TEC: variants seen among roughly 807,000 people sequenced by gnomAD.
TEC encodes tyrosine-protein kinase Tec.
TEC carries 72 observed loss-of-function variants against 93.0 expected under a neutral mutation model. The observed-to-expected ratio is 0.77, with a 90% CI of 0.64 to 0.94. The LOEUF (loss-of-function observed/expected upper bound fraction) is 0.94, where lower values mean the gene tolerates loss of function less well. Among genes scored for constraint, TEC ranks in the 40% least tolerant of loss-of-function variants. TEC has a pLI of 0.00. For missense variants in TEC, 630 were observed against 757.9 expected, an observed-to-expected ratio of 0.83 and a Z score of 1.98; for synonymous variants, 249 against 247.7, an observed-to-expected ratio of 1.01 and a Z score of -0.05.
At chr4:48,256,273 G>T (rs1374308011) in intron 1 of TEC, among the ~76,000 whole-genome samples, 1 of 151,864 alleles carries the variant, frequency 6.6e-6, no homozygotes, top group Non-Finnish European at 1.5e-5. Flanking sequence ...ACAATCCACC[G>T]CCCACCCTGC....
intron 2 of TEC, among the ~76,000 whole-genome samples, chr4:48,193,911 C>T (rs1006173678): frequency 4.6e-5 from 7 of 151,926 alleles, no homozygotes; most frequent in Admixed American, 2.6e-4. Context: ...TTACAGATGG[C>T]AAATAGGGCA....
chr4:48,177,883 CTT>C (rs1360644282), intron 2 of TEC, among the ~76,000 whole-genome samples: 2 of 152,202 alleles, frequency 1.3e-5, no homozygotes, highest in Admixed American at 1.3e-4. Context: ...CTCTCTCTCT[CTT>C]GCCTGCCGCC....
chr4:48,234,545 T>C (rs1723733357), intron 1 of TEC, among the ~76,000 whole-genome samples: 1 of 152,138 alleles, frequency 6.6e-6, no homozygotes, highest in East Asian at 1.9e-4. Context: ...GGGAGAAGAT[T>C]TATAATAAGT....
intron 8 of TEC, among the ~76,000 whole-genome samples, chr4:48,160,728 A>AG (rs1296806935): frequency 2.2e-5 from 3 of 139,342 alleles, no homozygotes; most frequent in Non-Finnish European, 4.7e-5. Context: ...CTCTGTCTCC[A>AG]GAAAAAAAAA....
chr4:48,155,539 A>G (rs1720363858), intron 9 of TEC, among the ~76,000 whole-genome samples: 1 of 152,248 alleles, frequency 6.6e-6, no homozygotes, highest in South Asian at 2.1e-4. Flanking sequence ...ACTGAAGAAT[A>G]TAAAATGATC....
Position 48,150,887 on chromosome 4 carries a change from A to G in TEC, c.848T>C (p.Val283Ala). ...RDSSQPGLYT[V>A]SLYTKFGGEG... ...CCCTCCAAACTTGGTATAAAGGGAG[A>G]CTGTGTACAAGCCTGGTTGACTGGA... is the stretch of plus-strand genomic sequence containing the variant. Residue 283 changes from valine to alanine, a missense_variant, in exon 10 of 18, where the codon GTC (valine) becomes GCC (alanine). Physicochemically the swap from Val to Ala is moderately conservative, Grantham distance 64. Transcript: ENST00000381501. 2 of 1,574,114 alleles carry G rather than the reference A, an allele frequency of 1.3e-6. No individual in the cohort carries two copies. Among genetic ancestry groups the G allele is most frequent in the Non-Finnish European group, 1.7e-6 (2 of 1,162,188 alleles).
chr4:48,152,649 C>G (rs923834703), intron 9 of TEC, among the ~76,000 whole-genome samples: 1 of 152,038 alleles, frequency 6.6e-6, no homozygotes, highest in Non-Finnish European at 1.5e-5. Context: ...GTAATTTGCA[C>G]CAGGTCATGC....
Position 48,150,913 on chromosome 4 carries a change from A to G in TEC, c.822T>C (p.Asp274=). The part of the protein sequence containing the change: ...EDKEGGFMVR[D]SSQPGLYTVS... ...CTGTGTACAAGCCTGGTTGACTGGA[A>G]TCCCTTACCATAAAACCACCTTCTT... is the stretch of plus-strand genomic sequence containing the variant. Residue 274 remains aspartate, a synonymous_variant, in exon 10 of 18, where the codon GAT becomes GAC. Transcript: ENST00000381501. 1 of 1,588,434 alleles carries G rather than the reference A, an allele frequency of 6.3e-7. No individual in the cohort carries two copies. Among genetic ancestry groups the G allele is most frequent in the Non-Finnish European group, 8.6e-7 (1 of 1,168,410 alleles).
Position 48,244,831 on chromosome 4 carries a change from A to G in TEC, c.-45-16172T>C, listed in dbSNP as rs553843195. On this transcript the variant is annotated intron_variant, in intron 1 of 17. Transcript: ENST00000381501. ...ACCACACACAGGACAGAGAGATATC[A>G]TATCTAAGCCATTAGACAGCTGACT... Among the ~76,000 whole-genome samples, 12 of 152,312 alleles carry G rather than the reference A, an allele frequency of 7.9e-5. No individual in the cohort carries two copies. The East Asian group carries it at 2.3e-3, about 29-fold the overall frequency.
intron 11 of TEC, among the ~76,000 whole-genome samples, chr4:48,148,099 G>C (rs1005283373): frequency 6.6e-6 from 1 of 152,002 alleles, no homozygotes; most frequent in Non-Finnish European, 1.5e-5. Context: ...AAGGGGGATG[G>C]GATGACAATT....
intron 1 of TEC, among the ~76,000 whole-genome samples, chr4:48,268,169 T>A (rs1724688149): frequency 6.6e-6 from 1 of 152,258 alleles, no homozygotes; most frequent in South Asian, 2.1e-4. Context: ...ATTATCTTGA[T>A]AAAGAATAAA....
At chr4:48,201,310 A>G (rs1236522006) in intron 2 of TEC, among the ~76,000 whole-genome samples, 2 of 152,186 alleles carry the variant, frequency 1.3e-5, no homozygotes, top group Non-Finnish European at 2.9e-5. Flanking sequence ...AATTTGAGAT[A>G]CCTGTGAGAA....
At chr4:48,137,922 A>T (rs1468115364) in intron 17 of TEC, among the ~76,000 whole-genome samples, 1 of 152,122 alleles carries the variant, frequency 6.6e-6, no homozygotes, top group Non-Finnish European at 1.5e-5. Flanking sequence ...ACCTTTGCTC[A>T]AGCTGTTCTC....
Position 48,221,545 on chromosome 4 carries a change from C to T in TEC, c.138+6932G>A, listed in dbSNP as rs535560339. Among the ~76,000 whole-genome samples, 11 of 152,264 alleles carry T rather than the reference C, an allele frequency of 7.2e-5. 1 individual carries two copies. Among genetic ancestry groups the T allele is most frequent in the African/African-American group, 2.2e-4 (9 of 41,552 alleles). On this transcript the variant is annotated intron_variant, in intron 2 of 17. Transcript: ENST00000381501. ...TTTGTAAATTACCCAGTCTTGGGTA[C>T]GTCTTTATTAGCAGTGTGAGAACCA...
At chr4:48,170,458 A>G in intron 4 of TEC, 82 bp from the exon 5 acceptor site, 2 of 987,330 alleles carry the variant, frequency 2.0e-6, no homozygotes, top group East Asian at 5.3e-5. Flanking sequence ...GTCGATCATT[A>G]CTTATTTCTT....
Position 48,236,426 on chromosome 4 carries a change from C to T in TEC, c.-45-7767G>A, listed in dbSNP as rs1723786499. Among the ~76,000 whole-genome samples the T allele has an allele frequency of 2.0e-5, 3 of 151,696 alleles. No homozygotes were observed. The South Asian group carries it at 6.2e-4, about 32-fold the overall frequency. On this transcript the variant is annotated intron_variant, in intron 1 of 17. Coordinates refer to ENST00000381501, the MANE Select transcript of TEC (RefSeq NM_003215.3). ...CCTCCCGAGTAGCTGGGACTACAGG[C>T]GCCCGCCACTACGCCCGGTTAATTT...
At position 48,170,310 on chromosome 4, in the gene TEC, T is replaced by C. The variant is rs139186461; in HGVS notation, c.392A>G (p.Gln131Arg). 4.0e-5 allele frequency: 63 copies of C among 1,561,000 alleles called. No homozygotes were observed. The Middle Eastern group carries it at 5.1e-4, about 13-fold the overall frequency. Residue 131 changes from glutamine (Q) to arginine (R), a missense_variant, in exon 5 of 18, where the codon CAG (glutamine) becomes CGG (arginine). Gln to Arg is a conservative substitution (Grantham distance 43). Transcript: ENST00000381501. ...HPKFWTDGSY[Q>R]CCRQTEKLAP... Reference sequence around the variant, plus strand: ...TAATTTTTCAGTTTGTCTACAACACTGATAACTTCCATCTGTCCAGAATTT... The same window carrying C: ...TAATTTTTCAGTTTGTCTACAACACCGATAACTTCCATCTGTCCAGAATTT...
At chr4:48,168,073 T>C (rs763527949) in intron 6 of TEC, 120 bp from the exon 7 acceptor site, 9 of 835,638 alleles carry the variant, frequency 1.1e-5, no homozygotes, top group Non-Finnish European at 1.5e-5. Context: ...GTCTACTTAC[T>C]ATAATCCAAC....
At chr4:48,161,949 T>G (rs1428776132) in intron 8 of TEC, among the ~76,000 whole-genome samples, 1 of 152,190 alleles carries the variant, frequency 6.6e-6, no homozygotes, top group Non-Finnish European at 1.5e-5. Context: ...GGACTCAGAC[T>G]GCCTTCCTTT....
Sources: allele counts gnomAD v4.1 joint callset (sites outside exome capture counted in the v4.1 genomes callset), GRCh38; gene constraint gnomAD v4.1.1; transcripts MANE v1.5; gene names NCBI Gene and HGNC (gene_info 2026-07-23, HGNC 2026-07-21).